FTO: variants seen among roughly 807,000 people sequenced by gnomAD.
FTO encodes FTO alpha-ketoglutarate dependent dioxygenase.
In FTO, 47 loss-of-function variants were observed where a neutral mutation model predicts 63.9. The ratio of observed to expected loss-of-function variants is 0.74; its 90% CI spans 0.58 to 0.94. The LOEUF is 0.94. FTO is among the 40% of genes least tolerant of loss of function. The pLI, the probability that FTO is intolerant of heterozygous loss-of-function variation, is 0.00. For synonymous variants in FTO, 207 were observed against 224.4 expected, an observed-to-expected ratio of 0.92 and a Z score of 0.69; for missense variants, 562 against 618.1, an observed-to-expected ratio of 0.91 and a Z score of 0.96.
At chr16:53,707,393 G>GGAT (rs2075651475) in intron 1 of FTO, among the ~76,000 whole-genome samples, 2 of 152,204 alleles carry the variant, frequency 1.3e-5, no homozygotes, top group Admixed American at 6.5e-5. Flanking sequence ...CCTAAATCCA[G>GGAT]GATGATCCTG....
At chr16:53,743,589 A>G (rs2076577766) in intron 1 of FTO, among the ~76,000 whole-genome samples, 1 of 148,542 alleles carries the variant, frequency 6.7e-6, no homozygotes, top group Non-Finnish European at 1.5e-5. Context: ...ATGTTAGGTA[A>G]TAAAATAATT....
chr16:53,961,955 A>C (rs1424649315), intron 8 of FTO, among the ~76,000 whole-genome samples: 2 of 152,192 alleles, frequency 1.3e-5, no homozygotes, highest in African/African-American at 2.4e-5. Context: ...GTACCACTTC[A>C]ATGAGAACCC....
Position 53,923,957 on chromosome 16 carries a change from G to A in FTO, c.1240-10028G>A, listed in dbSNP as rs143473597. Among the ~76,000 whole-genome samples, 392 of 152,154 alleles carry A rather than the reference G, an allele frequency of 2.6e-3. 1 individual carries two copies. Among genetic ancestry groups the A allele is most frequent in the African/African-American group, 8.9e-3 (368 of 41,506 alleles). On this transcript the variant is annotated intron_variant, in intron 7 of 8. Coordinates refer to ENST00000471389, the MANE Select transcript of FTO (RefSeq NM_001080432.3). ...AGGAGGCAGAGTGATTTCTCTACTC[G>A]TAGAAGGAGAGAGATGGGAGATATG... is the stretch of plus-strand genomic sequence containing the variant.
At chr16:53,981,801 G>C (rs561138903) in intron 8 of FTO, 11 of 152,562 alleles carry the variant, frequency 7.2e-5, no homozygotes, top group African/African-American at 2.2e-4. Context: ...ATCCCAGCTC[G>C]TCATGAGGCT....
intron 8 of FTO, among the ~76,000 whole-genome samples, chr16:53,942,634 G>A (rs766726567): frequency 6.6e-6 from 1 of 152,114 alleles, no homozygotes; most frequent in Non-Finnish European, 1.5e-5. Context: ...TAATGTCCTC[G>A]TCTGCTTTAG....
intron 8 of FTO, among the ~76,000 whole-genome samples, chr16:53,952,161 G>T (rs930882580): frequency 6.6e-6 from 1 of 152,088 alleles, no homozygotes; most frequent in African/African-American, 2.4e-5. Flanking sequence ...TATAGTTAAG[G>T]TGACTAAGAC....
intron 8 of FTO, among the ~76,000 whole-genome samples, chr16:53,973,708 G>T (rs772370657): frequency 6.6e-6 from 1 of 152,078 alleles, no homozygotes; most frequent in Non-Finnish European, 1.5e-5. Flanking sequence ...GAATGAGAAG[G>T]GAAAAGAAAG....
chr16:53,867,493 ATGTGTGTGTG>A (rs150516029), intron 4 of FTO, among the ~76,000 whole-genome samples: 8 of 140,430 alleles, frequency 5.7e-5, no homozygotes, highest in African/African-American at 7.9e-5. Context: ...TACGCCACAT[ATGTGTGTGTG>A]TGTGTGTGTG....
chr16:53,764,598 TGA>T (rs1311002046), intron 1 of FTO, among the ~76,000 whole-genome samples: 2 of 152,184 alleles, frequency 1.3e-5, no homozygotes, highest in Non-Finnish European at 2.9e-5. Flanking sequence ...AAATTGGAGT[TGA>T]GAGCATGTGC....
At chr16:53,858,700 A>G (rs7206729) in intron 4 of FTO, among the ~76,000 whole-genome samples, 52,374 of 151,522 alleles carry the variant, frequency 0.35, 11,244 homozygotes, top group East Asian at 0.64. Context: ...TTGATCTGTC[A>G]CCCAGGCTGG....
intron 1 of FTO, among the ~76,000 whole-genome samples, chr16:53,738,631 T>C (rs2076448288): frequency 6.6e-6 from 1 of 152,138 alleles, no homozygotes; most frequent in Non-Finnish European, 1.5e-5. Context: ...TGCTGGGTCA[T>C]ATGGTAAGTC....
intron 1 of FTO, among the ~76,000 whole-genome samples, chr16:53,771,394 C>G (rs1371718967): frequency 6.6e-6 from 1 of 152,114 alleles, no homozygotes; most frequent in Non-Finnish European, 1.5e-5. Context: ...CTTACAACGT[C>G]TCCTTCTGCC....
At position 53,880,937 on chromosome 16, in the gene FTO, TAAAAAAA is replaced by T. The variant is rs34062544; in HGVS notation, c.1119+970_1119+976del. On this transcript the variant is annotated intron_variant, in intron 6 of 8. Coordinates refer to ENST00000471389, the MANE Select transcript of FTO (RefSeq NM_001080432.3). ...TAACACAGTGAAACCCCGTCTCTAC[TAAAAAAA>T]AAAAAAAAAAAAAAAAAAATACAAA... 4.9e-3 allele frequency among the ~76,000 whole-genome samples: 332 copies of T among 67,662 alleles called. 2 individuals are homozygous for T. The highest frequency in any genetic ancestry group is 0.018 in the African/African-American group (305 of 17,424). The allele number at this position is 67,662 out of a possible 152,430, so 44.4% of individuals were successfully genotyped here.
At chr16:53,752,533 G>T (rs2076823110) in intron 1 of FTO, among the ~76,000 whole-genome samples, 1 of 152,138 alleles carries the variant, frequency 6.6e-6, no homozygotes. Flanking sequence ...AAAGGGTAGT[G>T]TTCAAATATT....
At chr16:53,780,323 G>A (rs1449097231) in intron 1 of FTO, among the ~76,000 whole-genome samples, 1 of 152,098 alleles carries the variant, frequency 6.6e-6, no homozygotes, top group Non-Finnish European at 1.5e-5. Flanking sequence ...CAGATCTTTA[G>A]TCTGGGCCTG....
rs573952732 is a variant in FTO, at chr16:53,915,744, C to T, written c.1240-18241C>T. ...ACCCCAAAGTTAACATGTTCCTGCT[C>T]AGTCTCATGGAGACAATTTCAGCGT... On this transcript the variant is annotated intron_variant, in intron 7 of 8. Coordinates refer to ENST00000471389, the MANE Select transcript of FTO (RefSeq NM_001080432.3). 2.6e-5 allele frequency among the ~76,000 whole-genome samples: 4 copies of T among 152,338 alleles called. No individual in the cohort carries two copies. The East Asian group carries it at 7.7e-4, about 29-fold the overall frequency.
intron 8 of FTO, chr16:53,999,546 A>G (rs903542723): frequency 6.6e-6 from 1 of 152,258 alleles, no homozygotes; most frequent in Non-Finnish European, 1.5e-5. Flanking sequence ...TCAGGAAGCT[A>G]CTTAAAATGG....
At chr16:53,792,565 A>T (rs2077953190) in intron 1 of FTO, among the ~76,000 whole-genome samples, 1 of 152,096 alleles carries the variant, frequency 6.6e-6, no homozygotes, top group Non-Finnish European at 1.5e-5. Flanking sequence ...GTAAAATTAT[A>T]AAAAAAGCCA....
rs1055014407 is a variant in FTO, at chr16:54,113,378, A to T, written c.*1463A>T. 6.6e-6 allele frequency: 1 copy of T among 152,240 alleles called. No homozygotes were observed. The highest frequency in any genetic ancestry group is 1.5e-5 in the Non-Finnish European group (1 of 68,076). 9.4% of individuals were successfully genotyped at this position (152,240 alleles called of 1,614,324 possible). ...GCTTTTGCCTATTGAAGGTGCACTG[A>T]GAATAAACTCTTTCCTGCCACCAGA... On this transcript the variant is annotated 3_prime_UTR_variant, in exon 9 of 9. Transcript: ENST00000471389.
Sources: allele counts gnomAD v4.1 joint callset (sites outside exome capture counted in the v4.1 genomes callset), GRCh38; gene constraint gnomAD v4.1.1; transcripts MANE v1.5; gene names NCBI Gene and HGNC (gene_info 2026-07-23, HGNC 2026-07-21).